The following CCSER1 variants were observed in gnomAD, a reference collection of about 807,000 sequenced individuals.
CCSER1 encodes the protein coiled-coil serine rich protein 1, also known as serine-rich coiled-coil domain-containing protein 1.
A neutral mutation model predicts 82.0 loss-of-function variants in CCSER1; 41 were observed. That is an observed-to-expected ratio of 0.50 (90% CI 0.39 to 0.65). The LOEUF is 0.65. Ranked by LOEUF, CCSER1 falls within the 30% of genes least tolerant of loss-of-function variation. CCSER1 has a pLI of 0.00. For synonymous variants in CCSER1, 414 were observed against 383.9 expected, an observed-to-expected ratio of 1.08 and a Z score of -0.92; for missense variants, 1,119 against 1,064.2, an observed-to-expected ratio of 1.05 and a Z score of -0.72.
intron 7 of CCSER1, among the ~76,000 whole-genome samples, chr4:90,801,600 T>C (rs1356538094): frequency 6.6e-6 from 1 of 152,172 alleles, no homozygotes. Context: ...ATTTGACTAA[T>C]ATGCTAAAAA....
rs72875139 is a variant in CCSER1, at chr4:91,225,544, G to A, written c.2217+139550G>A. On this transcript the variant is annotated intron_variant, in intron 10 of 10. Coordinates refer to ENST00000509176, the MANE Select transcript of CCSER1 (RefSeq NM_001145065.2). ...GGTAATATATTCCTGGATGTGAAAA[G>A]AGTAAACAGATTATTCAATTTTAAA... 6.4e-3 allele frequency among the ~76,000 whole-genome samples: 970 copies of A among 151,038 alleles called. 10 individuals are homozygous for A. The highest frequency in any genetic ancestry group is 0.022 in the African/African-American group (904 of 41,284).
chr4:90,937,006 A>G (rs1731024376), intron 9 of CCSER1, among the ~76,000 whole-genome samples: 1 of 152,214 alleles, frequency 6.6e-6, no homozygotes, highest in African/African-American at 2.4e-5. Flanking sequence ...GTAGCAGTGA[A>G]CACCAAGCAT....
chr4:91,258,672 G>A (rs1740876779), intron 10 of CCSER1, among the ~76,000 whole-genome samples: 1 of 152,056 alleles, frequency 6.6e-6, no homozygotes, highest in Non-Finnish European at 1.5e-5. Context: ...ATATAACTGA[G>A]TGATTTCAGA....
intron 7 of CCSER1, among the ~76,000 whole-genome samples, chr4:90,745,174 T>C (rs1435589513): frequency 6.6e-6 from 1 of 152,104 alleles, no homozygotes; most frequent in East Asian, 1.9e-4. Context: ...AGGGACAGTT[T>C]GTTTACTTAC....
intron 5 of CCSER1, among the ~76,000 whole-genome samples, chr4:90,588,673 G>A (rs951972710): frequency 2.0e-5 from 3 of 152,138 alleles, no homozygotes; most frequent in East Asian, 1.9e-4. Flanking sequence ...TTGTGGGAGG[G>A]ACCCAGTGGG....
chr4:90,669,504 CTA>C (rs1042409697), intron 6 of CCSER1, among the ~76,000 whole-genome samples: 25 of 152,022 alleles, frequency 1.6e-4, no homozygotes, highest in Non-Finnish European at 3.7e-4. Flanking sequence ...AGAAAGTTAT[CTA>C]TTTGCTATTT....
At chr4:90,423,287 G>A (rs113563869) in intron 4 of CCSER1, among the ~76,000 whole-genome samples, 10,245 of 152,030 alleles carry the variant, frequency 0.067, 511 homozygotes, top group African/African-American at 0.14. Flanking sequence ...GTGCAGTGGC[G>A]TCATCTCGGC....
chr4:90,781,151 C>T (rs538121966), intron 7 of CCSER1: 11 of 436,540 alleles, frequency 2.5e-5, no homozygotes, highest in Non-Finnish European at 2.7e-5. Flanking sequence ...GATTCAAACA[C>T]CTCCCACCAA....
intron 10 of CCSER1, among the ~76,000 whole-genome samples, chr4:91,512,176 A>G (rs955244494): frequency 1.3e-5 from 2 of 152,146 alleles, no homozygotes; most frequent in Admixed American, 1.3e-4. Flanking sequence ...GGGTGTGTCT[A>G]TTAGGGTGTT....
chr4:91,587,714 G>A (rs73836258), intron 10 of CCSER1, among the ~76,000 whole-genome samples: 14,994 of 151,532 alleles, frequency 0.099, 759 homozygotes, highest in Middle Eastern at 0.16. Context: ...TTCTTACATC[G>A]AATGCAGATC....
At chr4:91,267,142 A>C (rs550783237) in intron 10 of CCSER1, among the ~76,000 whole-genome samples, 10 of 152,302 alleles carry the variant, frequency 6.6e-5, no homozygotes, top group African/African-American at 2.4e-4. Context: ...GTTAAAAAGT[A>C]GGTAAAGGCA....
chr4:91,124,221 A>G (rs563143144), intron 10 of CCSER1, among the ~76,000 whole-genome samples: 61 of 151,912 alleles, frequency 4.0e-4, no homozygotes, highest in Non-Finnish European at 8.1e-4. Flanking sequence ...TATTACTGTC[A>G]TAAAAATTTC....
At chr4:90,530,891 C>T (rs1168501721) in intron 5 of CCSER1, among the ~76,000 whole-genome samples, 1 of 152,128 alleles carries the variant, frequency 6.6e-6, no homozygotes, top group Non-Finnish European at 1.5e-5. Context: ...CCTTGTGCTA[C>T]TCCTGCCTCA....
chr4:91,148,266 T>C (rs1247179522), intron 10 of CCSER1, among the ~76,000 whole-genome samples: 3 of 152,156 alleles, frequency 2.0e-5, no homozygotes, highest in East Asian at 3.9e-4. Context: ...TTGTTCTAAA[T>C]TACTCTCTTC....
At chr4:90,729,575 A>G (rs535397102) in intron 7 of CCSER1, among the ~76,000 whole-genome samples, 70 of 152,310 alleles carry the variant, frequency 4.6e-4, no homozygotes, top group Admixed American at 4.5e-3. Context: ...TTCTGTAACA[A>G]TAAGAACATA....
intron 9 of CCSER1, among the ~76,000 whole-genome samples, chr4:90,932,184 T>C (rs1729906069): frequency 6.6e-6 from 1 of 152,176 alleles, no homozygotes; most frequent in Non-Finnish European, 1.5e-5. Context: ...ATTTATAAAG[T>C]TGATCTATTA....
intron 8 of CCSER1, among the ~76,000 whole-genome samples, chr4:90,829,554 G>C (rs558904210): frequency 6.6e-6 from 1 of 152,206 alleles, no homozygotes; most frequent in Admixed American, 6.5e-5. Context: ...TGGGTCCATA[G>C]TAACTTCAGT....
chr4:90,562,837 C>A (rs1481059427), intron 5 of CCSER1, among the ~76,000 whole-genome samples: 1 of 142,530 alleles, frequency 7.0e-6, no homozygotes, highest in Non-Finnish European at 1.5e-5. Context: ...CATGCCCAGC[C>A]TCCCTTTTTT....
intron 10 of CCSER1, among the ~76,000 whole-genome samples, chr4:91,257,174 A>AATGTATTAGC (rs1740756518): frequency 6.6e-6 from 1 of 152,176 alleles, no homozygotes; most frequent in African/African-American, 2.4e-5. Context: ...AGAATAAGAA[A>AATGTATTAGC]ATGTATTAGC....
Sources: gnomAD v4.1 joint callset for allele counts (sites outside exome capture counted in the v4.1 genomes callset) on GRCh38, gnomAD v4.1.1 for gene constraint, MANE v1.5 for transcripts, NCBI Gene and HGNC (gene_info 2026-07-23, HGNC 2026-07-21) for gene names.